Variants in IL1RAPL1 observed in about 807,000 individuals in gnomAD.
IL1RAPL1 encodes the protein interleukin-1 receptor accessory protein-like 1.
In IL1RAPL1, 3 loss-of-function variants were observed where a neutral mutation model predicts 48.4. That is an observed-to-expected ratio of 0.06 (90% CI 0.03 to 0.16). The LOEUF is 0.16. IL1RAPL1 is among the 10% of genes least tolerant of loss of function. The probability of loss-of-function intolerance (pLI) is 1.00; values close to 1 mark genes in which losing one functional copy is unlikely to be tolerated. For synonymous variants in IL1RAPL1, 185 were observed against 187.7 expected (o/e 0.99, Z 0.12); for missense variants, 349 against 530.6 (o/e 0.66, Z 3.36).
At chrX:29,051,381 A>G (rs1927089769) in intron 2 of IL1RAPL1, among the ~76,000 whole-genome samples, 1 of 112,304 alleles carries the variant, frequency 8.9e-6, no homozygotes, top group South Asian at 3.7e-4. Flanking sequence ...CCTTGGTGCC[A>G]TGTCCTAGAT....
chrX:29,911,973 GA>G (rs1932759746), intron 6 of IL1RAPL1, among the ~76,000 whole-genome samples: 1 of 112,348 alleles, frequency 8.9e-6, no homozygotes, highest in East Asian at 2.8e-4. Context: ...CCACCATACG[GA>G]TACTATAGCT....
At position 29,240,195 on chromosome X, in the gene IL1RAPL1, C is replaced by CAT. The variant is rs1224933369; in HGVS notation, c.83-42714_83-42713dup. On this transcript the variant is annotated intron_variant, in intron 2 of 10. Transcript: ENST00000378993. ...AGTAGTATATAGGTACACACACACACATATATATATATATATATATATATA... is the reference window on the plus strand; with the variant it reads ...AGTAGTATATAGGTACACACACACACATATATATATATATATATATATATATA... Among the ~76,000 whole-genome samples, 237 of 27,167 alleles carry CAT rather than the reference C, an allele frequency of 8.7e-3. 1 individual carries two copies. The highest frequency in any genetic ancestry group is 0.013 in the African/African-American group (63 of 4,810). 23.6% of individuals were successfully genotyped at this position (27,167 alleles called of 115,157 possible).
chrX:29,288,894 G>A (rs1932329301), intron 3 of IL1RAPL1, among the ~76,000 whole-genome samples: 1 of 112,074 alleles, frequency 8.9e-6, no homozygotes, highest in Non-Finnish European at 1.9e-5. Flanking sequence ...GTTTTGATTT[G>A]CATTTCTCTA....
chrX:29,651,071 G>A (rs1210765515), intron 5 of IL1RAPL1, among the ~76,000 whole-genome samples: 1 of 108,350 alleles, frequency 9.2e-6, no homozygotes, highest in Non-Finnish European at 1.9e-5. Context: ...TGACCACAGT[G>A]AGCTATCACC....
chrX:29,133,751 T>A (rs1373175341), intron 2 of IL1RAPL1, among the ~76,000 whole-genome samples: 1 of 111,921 alleles, frequency 8.9e-6, no homozygotes, highest in Non-Finnish European at 1.9e-5. Flanking sequence ...CTATGCATTT[T>A]GACAAGTACA....
chrX:29,366,730 G>A (rs1338556260), intron 3 of IL1RAPL1, among the ~76,000 whole-genome samples: 1 of 107,780 alleles, frequency 9.3e-6, no homozygotes, highest in Non-Finnish European at 1.9e-5. Context: ...CACCACGCCC[G>A]GCTAATTTTC....
At chrX:28,898,212 C>T (rs1321809940) in intron 2 of IL1RAPL1, among the ~76,000 whole-genome samples, 1 of 111,545 alleles carries the variant, frequency 9.0e-6, no homozygotes, top group Admixed American at 9.5e-5. Flanking sequence ...TTTCTCATTC[C>T]TTGGGTTCCC....
At chrX:29,901,862 T>G (rs191411302) in intron 6 of IL1RAPL1, among the ~76,000 whole-genome samples, 6 of 112,553 alleles carry the variant, frequency 5.3e-5, no homozygotes, top group Admixed American at 3.8e-4. Context: ...CTTATCAAGA[T>G]GTAATCACAA....
At chrX:29,833,152 CT>C (rs772433623) in intron 6 of IL1RAPL1, among the ~76,000 whole-genome samples, 1 of 111,607 alleles carries the variant, frequency 9.0e-6, no homozygotes, top group African/African-American at 3.2e-5. Flanking sequence ...AAAATTCCAA[CT>C]TCACAAATTC....
At chrX:29,484,319 C>A (rs771999163) in intron 5 of IL1RAPL1, among the ~76,000 whole-genome samples, 2 of 111,473 alleles carry the variant, frequency 1.8e-5, no homozygotes, top group Admixed American at 9.6e-5. Flanking sequence ...AGGGCAAGAT[C>A]TTTCTTCTTC....
intron 2 of IL1RAPL1, among the ~76,000 whole-genome samples, chrX:28,962,751 G>A (rs1185492506): frequency 9.0e-6 from 1 of 110,788 alleles, no homozygotes; most frequent in African/African-American, 3.3e-5. Context: ...GGGAATATGT[G>A]CATAGATTAT....
intron 2 of IL1RAPL1, among the ~76,000 whole-genome samples, chrX:28,853,513 TCTCA>T (rs1439414631): frequency 8.3e-4 from 90 of 108,197 alleles, no homozygotes; most frequent in African/African-American, 5.4e-4. Context: ...ACACACACAC[TCTCA>T]CTCATGCTTC....
At chrX:29,236,535 CTTT>C (rs759738945) in intron 2 of IL1RAPL1, among the ~76,000 whole-genome samples, 1 of 59,001 alleles carries the variant, frequency 1.7e-5, no homozygotes, top group Non-Finnish European at 3.6e-5. Context: ...CTTTCTTTTT[CTTT>C]TTTTTTCTTT....
At chrX:29,146,427 CT>C (rs1212491355) in intron 2 of IL1RAPL1, among the ~76,000 whole-genome samples, 4 of 111,519 alleles carry the variant, frequency 3.6e-5, no homozygotes, top group African/African-American at 1.3e-4. Context: ...CTCCTTACAG[CT>C]GTTATCACCA....
intron 1 of IL1RAPL1, among the ~76,000 whole-genome samples, chrX:28,698,973 C>T (rs766881074): frequency 4.1e-4 from 46 of 111,905 alleles, no homozygotes; most frequent in Middle Eastern, 4.6e-3. Flanking sequence ...CTCTTTTATT[C>T]GGTGAGTTTA....
chrX:29,470,178 C>A (rs182209435), intron 5 of IL1RAPL1, among the ~76,000 whole-genome samples: 1 of 111,969 alleles, frequency 8.9e-6, no homozygotes, highest in African/African-American at 3.2e-5. Context: ...CTAGTTTAGT[C>A]ATGTGAAAGA....
chrX:28,791,672 T>C (rs982083526), intron 2 of IL1RAPL1, among the ~76,000 whole-genome samples: 2 of 112,143 alleles, frequency 1.8e-5, no homozygotes, highest in Admixed American at 9.4e-5. Context: ...TTTGTTTACT[T>C]TTCTATATGA....
In IL1RAPL1 at chrX:29,493,735, T is replaced by C. The variant is rs190680295; in HGVS notation, c.703+94427T>C. Among the ~76,000 whole-genome samples the C allele has an allele frequency of 1.9e-4, 21 of 111,428 alleles. No homozygotes were observed. In the East Asian group the frequency reaches 5.7e-3, roughly 30 times the overall value. ...GTGCAGGTTTGTTACATGGGTATAT[T>C]GCATAATGCTGAGGTTTGGGGTGTG... On this transcript the variant is annotated intron_variant, in intron 5 of 10. Coordinates refer to ENST00000378993, the MANE Select transcript of IL1RAPL1 (RefSeq NM_014271.4).
At chrX:29,893,120 C>A (rs931645878) in intron 6 of IL1RAPL1, among the ~76,000 whole-genome samples, 2 of 111,628 alleles carry the variant, frequency 1.8e-5, no homozygotes, top group African/African-American at 6.5e-5. Context: ...GTTTACTGAG[C>A]TGTTGCTCTG....
Sources: gnomAD v4.1 joint callset for allele counts (sites outside exome capture counted in the v4.1 genomes callset) on GRCh38, gnomAD v4.1.1 for gene constraint, MANE v1.5 for transcripts, NCBI Gene and HGNC (gene_info 2026-07-23, HGNC 2026-07-21) for gene names.